COL6A3: variants seen among roughly 807,000 people sequenced by gnomAD.
COL6A3 encodes the protein collagen alpha-3(VI) chain.
A neutral mutation model predicts 274.1 loss-of-function variants in COL6A3; 137 were observed. That is an observed-to-expected ratio of 0.50 (90% CI 0.44 to 0.58). The LOEUF is 0.58. Ranked by LOEUF, COL6A3 falls within the 20% of genes least tolerant of loss-of-function variation. The probability of loss-of-function intolerance (pLI) is 0.00; values close to 1 mark genes in which losing one functional copy is unlikely to be tolerated. For missense variants in COL6A3, 3,950 were observed against 4,124.9 expected (o/e 0.96, Z 1.16); for synonymous variants, 1,650 against 1,650.6 (o/e 1.00, Z 0.01).
chr2:237,340,907 G>A lies in COL6A3; in HGVS notation c.8009C>T (p.Ala2670Val), dbSNP rs142851023. ...HFARVAVVQHAPSESVDNASM... is the reference protein window; with the variant it reads ...HFARVAVVQHVPSESVDNASM... ...GGCATTGTCCACGGACTCAGAGGGC[G>A]CGTGCTGCACAACTGCCACTCTGGC... Residue 2670 changes from alanine (A) to valine (V), a missense_variant, in exon 38 of 44, where the codon GCG becomes GTG. Physicochemically the swap from Ala to Val is moderately conservative, Grantham distance 64 (BLOSUM62 0). Around this residue, in one of 5 missense-constraint regions of COL6A3, gnomAD observed 1,284 missense variants for 1,349.7 expected, o/e 0.95. Transcript: ENST00000295550. The A allele has an allele frequency of 6.6e-4, 1,061 of 1,613,318 alleles. 1 individual carries two copies. Among genetic ancestry groups the A allele is most frequent in the Middle Eastern group, 3.0e-3 (18 of 6,058 alleles).
At chr2:237,412,284 A>G (rs935321355) in intron 1 of COL6A3, among the ~76,000 whole-genome samples, 3 of 152,178 alleles carry the variant, frequency 2.0e-5, no homozygotes, top group Admixed American at 2.0e-4. Context: ...CAGCCCCGGT[A>G]TTCCGGTCAC....
intron 24 of COL6A3, 38 bp from the exon 25 acceptor site, chr2:237,353,441 G>C: frequency 6.3e-7 from 1 of 1,580,746 alleles, no homozygotes; most frequent in Non-Finnish European, 8.7e-7. Flanking sequence ...GAGTCAGGAT[G>C]GTTCCTGTCA....
intron 3 of COL6A3, among the ~76,000 whole-genome samples, chr2:237,391,323 A>G (rs1192580363): frequency 1.3e-5 from 2 of 152,228 alleles, no homozygotes; most frequent in Non-Finnish European, 2.9e-5. Flanking sequence ...TGGCATAAAA[A>G]CAAAGGTTTT....
Position 237,374,514 on chromosome 2 carries a change from G to T in COL6A3, c.3577C>A (p.Gln1193Lys), listed in dbSNP as rs865959630. Residue 1193 changes from glutamine (Q) to lysine (K), a missense_variant, in exon 8 of 44, where the codon CAG (glutamine) becomes AAG (lysine). By Grantham distance (53) the Gln-to-Lys change is moderately conservative. Coordinates refer to ENST00000295550, the MANE Select transcript of COL6A3 (RefSeq NM_004369.4). The surrounding 1 kb of genome is among the most constrained non-coding windows in gnomAD (Gnocchi z 4.8). Reference protein sequence around the residue: ...DFAVAIPTFRQLGTVQQVISE... With the variant: ...DFAVAIPTFRKLGTVQQVISE... ...ATGACCTGTTGGACGGTCCCCAGCT[G>T]GCGAAAGGTGGGAATGGCCACGGCA... is the stretch of plus-strand genomic sequence containing the variant. 6.2e-7 allele frequency: 1 copy of T among 1,614,186 alleles called. No homozygotes were observed. Among genetic ancestry groups the T allele is most frequent in the East Asian group, 2.2e-5 (1 of 44,868 alleles).
At chr2:237,378,297 ATCTC>A (rs917778108) in intron 6 of COL6A3, among the ~76,000 whole-genome samples, 1 of 152,146 alleles carries the variant, frequency 6.6e-6, no homozygotes. Flanking sequence ...TGTAAGAAAA[ATCTC>A]TCTCTGTCTC....
At chr2:237,347,236 C>G (rs995502767) in intron 31 of COL6A3, among the ~76,000 whole-genome samples, 10 of 151,644 alleles carry the variant, frequency 6.6e-5, no homozygotes, top group African/African-American at 2.4e-4. Context: ...GATGGCACCA[C>G]TGCACTCCGC....
rs554613136 is a variant in COL6A3, at chr2:237,363,439, G to A, written c.5918-41C>T. 6 of 1,612,690 alleles carry A rather than the reference G, an allele frequency of 3.7e-6. No homozygotes were observed. The South Asian group carries it at 4.4e-5, about 12-fold the overall frequency. On this transcript the variant is annotated intron_variant, in intron 13 of 43. Transcript: ENST00000295550. ...CATTTAATACAGCTCACCTAGGCAT[G>A]TGGAAAATGCAATGTCCTTTTTTCC...
chr2:237,336,125 G>C lies in COL6A3; in HGVS notation c.8965+10C>G, dbSNP rs1305652904. 6.2e-7 allele frequency: 1 copy of C among 1,613,188 alleles called. No homozygotes were observed. Among genetic ancestry groups the C allele is most frequent in the Admixed American group, 1.7e-5 (1 of 60,000 alleles). The stretch of plus-strand genomic sequence containing the variant: ...TCACAAGATGGCAGCCCTAGCAAGG[G>C]CTTTCTTACCCATGGGCTTAGTGGT... On this transcript the variant is annotated intron_variant, in intron 40 of 43. Transcript: ENST00000295550.
At chr2:237,384,078 T>C (rs915120413) in intron 4 of COL6A3, among the ~76,000 whole-genome samples, 4 of 152,266 alleles carry the variant, frequency 2.6e-5, no homozygotes, top group Middle Eastern at 3.4e-3. Context: ...CTGAAAAATA[T>C]TGAGTAACTG....
intron 7 of COL6A3, among the ~76,000 whole-genome samples, chr2:237,375,556 G>A (rs1412058672): frequency 6.6e-6 from 1 of 152,072 alleles, no homozygotes; most frequent in East Asian, 1.9e-4. Context: ...GAGGGGTCGG[G>A]GGGTGGACAG....
At chr2:237,390,994 A>AT (rs1331070374) in intron 3 of COL6A3, among the ~76,000 whole-genome samples, 1 of 152,188 alleles carries the variant, frequency 6.6e-6, no homozygotes, top group Non-Finnish European at 1.5e-5. Flanking sequence ...GATCGTTCAT[A>AT]TTTTACACAT....
At chr2:237,354,126 C>A (rs2077265979) in intron 24 of COL6A3, among the ~76,000 whole-genome samples, 2 of 151,836 alleles carry the variant, frequency 1.3e-5, no homozygotes, top group Non-Finnish European at 2.9e-5. Flanking sequence ...ATTCTCTTGC[C>A]TCAGGCTCCT....
intron 5 of COL6A3, among the ~76,000 whole-genome samples, chr2:237,379,486 T>G (rs565298381): frequency 6.6e-6 from 1 of 152,270 alleles, no homozygotes; most frequent in Admixed American, 6.5e-5. Flanking sequence ...AACATCAAAG[T>G]TAGAATGTTT....
At chr2:237,333,119 G>T in intron 42 of COL6A3, 2 of 370,588 alleles carry the variant, frequency 5.4e-6, no homozygotes, top group Non-Finnish European at 1.0e-5. Flanking sequence ...TAAATGAAAC[G>T]CCAATCTTCA....
chr2:237,357,990 G>C (rs4663730), intron 21 of COL6A3, 108 bp from the exon 22 acceptor site: 1 of 1,041,846 alleles, frequency 9.6e-7, no homozygotes, highest in Non-Finnish European at 1.5e-6. Context: ...GCAAGGCTTC[G>C]AGGGACAAGC....
intron 26 of COL6A3, 121 bp from the exon 27 acceptor site, chr2:237,351,313 C>T: frequency 1.1e-6 from 1 of 871,494 alleles, no homozygotes; most frequent in South Asian, 1.4e-5. Context: ...GAACCTGTCC[C>T]ACCTGCAAAT....
chr2:237,346,254 T>G (rs759141351), intron 32 of COL6A3, among the ~76,000 whole-genome samples: 31 of 152,350 alleles, frequency 2.0e-4, no homozygotes, highest in South Asian at 4.1e-4. Context: ...CAGGAAACTA[T>G]AAAGGCAAAT....
At chr2:237,373,026 T>A (rs1458943073) in intron 8 of COL6A3, among the ~76,000 whole-genome samples, 1 of 152,246 alleles carries the variant, frequency 6.6e-6, no homozygotes. Flanking sequence ...CAGCTCTCTT[T>A]GGGTTTACTT....
chr2:237,377,227 C>T lies in COL6A3; in HGVS notation c.2615G>A (p.Gly872Glu), dbSNP rs1209036154. The T allele has an allele frequency of 1.2e-6, 2 of 1,613,228 alleles. No individual in the cohort carries two copies. Among genetic ancestry groups the T allele is most frequent in the Non-Finnish European group, 1.7e-6 (2 of 1,180,036 alleles). Reference sequence around the variant, plus strand: ...GTACTGAGCCACCGCAATTCGGGTCCCCTCTGGCTTCACATTGAGCTCATC... The same window carrying T: ...GTACTGAGCCACCGCAATTCGGGTCTCCTCTGGCTTCACATTGAGCTCATC... ...IIDELNVKPE[G>E]TRIAVAQYSD... Residue 872 changes from glycine (G) to glutamate (E), a missense_variant, in exon 7 of 44, where the codon GGG becomes GAG. This residue lies in a region of COL6A3 where 1,934 missense variants were observed against 1,984.3 expected (regional missense o/e 0.97). Coordinates refer to ENST00000295550, the MANE Select transcript of COL6A3 (RefSeq NM_004369.4).
Sources: allele counts gnomAD v4.1 joint callset (sites outside exome capture counted in the v4.1 genomes callset), GRCh38; gene constraint gnomAD v4.1.1; regional missense constraint gnomAD v4.1.1; non-coding constraint Gnocchi (gnomAD v3.1); transcripts MANE v1.5; gene names NCBI Gene and HGNC (gene_info 2026-07-23, HGNC 2026-07-21).